Variants in SLC24A3 observed in about 807,000 individuals in gnomAD.
The protein encoded by SLC24A3 is solute carrier family 24 member 3.
A neutral mutation model predicts 75.8 loss-of-function variants in SLC24A3; 28 were observed. That is an observed-to-expected ratio of 0.37 (90% CI 0.27 to 0.51). SLC24A3 has a LOEUF of 0.51. Ranked by LOEUF, SLC24A3 falls within the 20% of genes least tolerant of loss-of-function variation. The pLI is 0.94. For synonymous variants in SLC24A3, 372 were observed against 334.1 expected (o/e 1.11, Z -1.24); for missense variants, 663 against 847.8 (o/e 0.78, Z 2.71).
chr20:19,533,900 C>T (rs1280444073), intron 3 of SLC24A3, among the ~76,000 whole-genome samples: 1 of 152,208 alleles, frequency 6.6e-6, no homozygotes, highest in Non-Finnish European at 1.5e-5. Context: ...AGAAGAGCTA[C>T]CGGGATAAAG....
chr20:19,654,823 T>G (rs1039408571), intron 7 of SLC24A3, among the ~76,000 whole-genome samples: 1 of 151,724 alleles, frequency 6.6e-6, no homozygotes, highest in African/African-American at 2.4e-5. Flanking sequence ...AATTTTTGTA[T>G]TTTAGTAGAG....
intron 1 of SLC24A3, among the ~76,000 whole-genome samples, chr20:19,221,155 T>A (rs1981699766): frequency 6.6e-6 from 1 of 152,186 alleles, no homozygotes; most frequent in Non-Finnish European, 1.5e-5. Context: ...ACTCCTAGGC[T>A]CAAGCAATCC....
intron 3 of SLC24A3, among the ~76,000 whole-genome samples, chr20:19,541,332 A>T (rs2030493013): frequency 6.6e-6 from 1 of 152,230 alleles, no homozygotes; most frequent in Non-Finnish European, 1.5e-5. Flanking sequence ...ATTCACTGTT[A>T]TCTGCCTGTC....
At chr20:19,627,918 C>G (rs1458296818) in intron 6 of SLC24A3, among the ~76,000 whole-genome samples, 1 of 152,050 alleles carries the variant, frequency 6.6e-6, no homozygotes, top group East Asian at 1.9e-4. Flanking sequence ...ATACCCTCAG[C>G]TGGGAGTTGT....
intron 6 of SLC24A3, among the ~76,000 whole-genome samples, chr20:19,648,201 AC>A (rs1225141747): frequency 6.6e-5 from 10 of 152,178 alleles, no homozygotes; most frequent in Non-Finnish European, 1.2e-4. Context: ...GAACTTCAGC[AC>A]CACTTGGTGT....
At chr20:19,436,908 C>G (rs930900951) in intron 2 of SLC24A3, among the ~76,000 whole-genome samples, 3 of 152,190 alleles carry the variant, frequency 2.0e-5, no homozygotes, top group African/African-American at 7.2e-5. Context: ...GGGGTCACAT[C>G]AGAGGATAGC....
In SLC24A3 at chr20:19,577,965, A is replaced by G. The variant is rs540274801; in HGVS notation, c.349-2035A>G. On this transcript the variant is annotated intron_variant, in intron 3 of 16. Transcript: ENST00000328041. ...TGATATTTCCACAGGATCTAGTGTT[A>G]AAGTATACTTTAGAATCTTACGATC... 3.3e-5 allele frequency among the ~76,000 whole-genome samples: 5 copies of G among 152,344 alleles called. No homozygotes were observed. In the East Asian group the frequency reaches 9.6e-4, roughly 29 times the overall value.
At chr20:19,453,367 T>C (rs1446633057) in intron 2 of SLC24A3, among the ~76,000 whole-genome samples, 5 of 152,106 alleles carry the variant, frequency 3.3e-5, no homozygotes, top group Admixed American at 3.3e-4. Flanking sequence ...AAAAAAAGTG[T>C]GATTTATGGC....
chr20:19,645,015 A>C (rs2032119407), intron 6 of SLC24A3, among the ~76,000 whole-genome samples: 1 of 152,246 alleles, frequency 6.6e-6, no homozygotes, highest in Non-Finnish European at 1.5e-5. Flanking sequence ...AAATGTGAGC[A>C]ATTGCGTGCT....
At chr20:19,687,751 C>T (rs575708006) in intron 12 of SLC24A3, among the ~76,000 whole-genome samples, 3 of 152,220 alleles carry the variant, frequency 2.0e-5, no homozygotes, top group Non-Finnish European at 4.4e-5. Flanking sequence ...ACCAAGCACC[C>T]CTTTCAGATC....
intron 2 of SLC24A3, among the ~76,000 whole-genome samples, chr20:19,471,660 G>A (rs1052274039): frequency 8.6e-6 from 1 of 116,682 alleles, no homozygotes; most frequent in Non-Finnish European, 2.2e-5. Context: ...GCTGGTTCAG[G>A]ATGGCTTAGC....
At chr20:19,229,490 T>G (rs1981956941) in intron 1 of SLC24A3, among the ~76,000 whole-genome samples, 1 of 152,322 alleles carries the variant, frequency 6.6e-6, no homozygotes, top group Admixed American at 6.5e-5. Flanking sequence ...AAACTATAAG[T>G]TTTGAAATGT....
intron 1 of SLC24A3, among the ~76,000 whole-genome samples, chr20:19,257,919 G>A (rs1982864479): frequency 6.6e-6 from 1 of 152,320 alleles, no homozygotes; most frequent in Non-Finnish European, 1.5e-5. Flanking sequence ...TCAAACTCCT[G>A]CACGTAAGCC....
chr20:19,603,243 GT>G, intron 6 of SLC24A3, among the ~76,000 whole-genome samples: 1 of 152,162 alleles, frequency 6.6e-6, no homozygotes, highest in East Asian at 1.9e-4. Context: ...GGGGGTTTTG[GT>G]CTGGGCAGTC....
chr20:19,261,464 T>G (rs1982985073), intron 1 of SLC24A3, among the ~76,000 whole-genome samples: 1 of 152,094 alleles, frequency 6.6e-6, no homozygotes, highest in Non-Finnish European at 1.5e-5. Flanking sequence ...CTCAGCCTCA[T>G]GAGTAGCTGG....
rs138086416 is a variant in SLC24A3 at position 19,493,228 on chromosome 20, G to A, written c.272-22260G>A. On this transcript the variant is annotated intron_variant, in intron 2 of 16. Coordinates refer to ENST00000328041, the MANE Select transcript of SLC24A3 (RefSeq NM_020689.4). ...CAATGACTGTCATTTCCATCCCCTT[G>A]AGTTGGTCACATGAGCAGTCACCAT... 3.3e-4 allele frequency among the ~76,000 whole-genome samples: 50 copies of A among 152,288 alleles called. No homozygotes were observed. In the East Asian group the frequency reaches 7.5e-3, roughly 23 times the overall value.
At chr20:19,595,207 A>C (rs1469882564) in intron 6 of SLC24A3, among the ~76,000 whole-genome samples, 1 of 152,206 alleles carries the variant, frequency 6.6e-6, no homozygotes, top group African/African-American at 2.4e-5. Context: ...CTAAGCAGAC[A>C]CATCACGCAT....
At chr20:19,678,759 G>A (rs1362016140) in intron 9 of SLC24A3, among the ~76,000 whole-genome samples, 3 of 148,770 alleles carry the variant, frequency 2.0e-5, no homozygotes, top group Non-Finnish European at 4.5e-5. Flanking sequence ...GGCGGCTGCC[G>A]GGCGGAGGGG....
intron 2 of SLC24A3, among the ~76,000 whole-genome samples, chr20:19,382,853 G>A (rs953994505): frequency 2.0e-5 from 3 of 152,116 alleles, no homozygotes; most frequent in Non-Finnish European, 2.9e-5. Context: ...AGTGTGCTCC[G>A]ATATATTCAC....
Sources: gnomAD v4.1 joint callset for allele counts (sites outside exome capture counted in the v4.1 genomes callset) on GRCh38, gnomAD v4.1.1 for gene constraint, MANE v1.5 for transcripts, NCBI Gene and HGNC (gene_info 2026-07-23, HGNC 2026-07-21) for gene names.